Variants in NBEA observed in about 807,000 individuals in gnomAD.
NBEA encodes the protein neurobeachin.
NBEA carries 44 observed loss-of-function variants against 343.4 expected under a neutral mutation model. The observed-to-expected ratio is 0.13, with a 90% CI of 0.10 to 0.16. The LOEUF (loss-of-function observed/expected upper bound fraction) is 0.16. Among genes scored for constraint, NBEA ranks in the 10% least tolerant of loss-of-function variants. NBEA has a pLI of 1.00. For missense variants in NBEA, 2,555 were observed against 3,631.3 expected (o/e 0.70, Z 7.62); for synonymous variants, 1,175 against 1,238.7 (o/e 0.95, Z 1.08).
chr13:35,355,090 T>C (rs539857182), intron 38 of NBEA, among the ~76,000 whole-genome samples: 4 of 152,164 alleles, frequency 2.6e-5, no homozygotes, highest in Non-Finnish European at 5.9e-5. Context: ...TCAGCAAATC[T>C]TACTGACACT....
At chr13:35,273,529 G>A (rs980836456) in intron 34 of NBEA, among the ~76,000 whole-genome samples, 2 of 152,034 alleles carry the variant, frequency 1.3e-5, no homozygotes, top group Admixed American at 1.3e-4. Context: ...AACTGAAGGA[G>A]ATAGAGACAC....
chr13:35,189,837 G>A (rs1221595845), intron 30 of NBEA, among the ~76,000 whole-genome samples: 6 of 152,028 alleles, frequency 3.9e-5, no homozygotes, highest in Admixed American at 3.9e-4. Context: ...TCTTTGGAAA[G>A]CAATCAGAGG....
chr13:35,110,030 A>G (rs982702786), intron 12 of NBEA, among the ~76,000 whole-genome samples: 4 of 127,376 alleles, frequency 3.1e-5, no homozygotes, highest in African/African-American at 1.2e-4. Flanking sequence ...AATTTTGACA[A>G]CTCTTTTTTT....
chr13:35,097,719 A>G (rs966465783), intron 10 of NBEA, among the ~76,000 whole-genome samples: 6 of 151,716 alleles, frequency 4.0e-5, no homozygotes, highest in Admixed American at 6.6e-5. Context: ...TTTCATTTCA[A>G]TATTACATAA....
chr13:35,596,089 C>CGTGTGCGTGT (rs2081785266), intron 47 of NBEA, among the ~76,000 whole-genome samples: 1 of 150,974 alleles, frequency 6.6e-6, no homozygotes, highest in African/African-American at 2.4e-5. Flanking sequence ...TGTGTGTGTG[C>CGTGTGCGTGT]GTGTGCGTGT....
intron 41 of NBEA, among the ~76,000 whole-genome samples, chr13:35,505,938 T>C (rs2077058254): frequency 6.6e-6 from 1 of 152,194 alleles, no homozygotes; most frequent in African/African-American, 2.4e-5. Context: ...TTTCAATTAA[T>C]CTTCAATTCA....
chr13:35,475,089 C>A, intron 41 of NBEA: 1 of 1,613,828 alleles, frequency 6.2e-7, no homozygotes, highest in South Asian at 1.1e-5. Flanking sequence ...TCGGGTTGGT[C>A]AGGATCTCTC....
At chr13:35,394,938 AT>A (rs2042673695) in intron 38 of NBEA, among the ~76,000 whole-genome samples, 2 of 152,084 alleles carry the variant, frequency 1.3e-5, no homozygotes, top group Non-Finnish European at 2.9e-5. Context: ...GCATCCCACA[AT>A]TTTTATCTGT....
intron 34 of NBEA, among the ~76,000 whole-genome samples, chr13:35,289,321 TACAC>T (rs2035644568): frequency 6.6e-6 from 1 of 151,940 alleles, no homozygotes; most frequent in South Asian, 2.1e-4. Context: ...ATGTTCTTGT[TACAC>T]AGAAGTTATT....
chr13:35,606,733 T>C (rs1001710394), intron 48 of NBEA, among the ~76,000 whole-genome samples, 155 bp downstream of exon 48: 1 of 152,226 alleles, frequency 6.6e-6, no homozygotes, highest in Non-Finnish European at 1.5e-5. Flanking sequence ...AACATTTTAC[T>C]GTTGTCTTGA....
At chr13:35,351,831 T>C (rs1483113819) in intron 37 of NBEA, among the ~76,000 whole-genome samples, 3 of 152,032 alleles carry the variant, frequency 2.0e-5, no homozygotes, top group African/African-American at 7.2e-5. Context: ...ATATACTATA[T>C]TGGCTTGATA....
chr13:35,204,143 T>TGTCA (rs1566453791), intron 31 of NBEA, among the ~76,000 whole-genome samples: 2 of 152,136 alleles, frequency 1.3e-5, no homozygotes, highest in African/African-American at 4.8e-5. Context: ...CTCTGTTTCC[T>TGTCA]GTCAGATCAG....
At chr13:35,375,291 A>G (rs996142849) in intron 38 of NBEA, among the ~76,000 whole-genome samples, 5 of 152,078 alleles carry the variant, frequency 3.3e-5, no homozygotes, top group African/African-American at 7.2e-5. Flanking sequence ...TAAAACATCT[A>G]TTTTATTCAA....
intron 38 of NBEA, among the ~76,000 whole-genome samples, chr13:35,387,901 G>T (rs1307582880): frequency 6.6e-6 from 1 of 151,982 alleles, no homozygotes; most frequent in Admixed American, 6.6e-5. Flanking sequence ...CCTTTTCCCT[G>T]CAAGGAGATA....
intron 40 of NBEA, among the ~76,000 whole-genome samples, chr13:35,454,811 G>T (rs2046480154): frequency 1.3e-5 from 2 of 152,050 alleles, no homozygotes; most frequent in Non-Finnish European, 1.5e-5. Flanking sequence ...AGTGAGCCAA[G>T]ATCGCACCAC....
chr13:35,012,850 A>G (rs746137404), intron 1 of NBEA, among the ~76,000 whole-genome samples: 1 of 152,192 alleles, frequency 6.6e-6, no homozygotes, highest in Non-Finnish European at 1.5e-5. Flanking sequence ...TAGAAACTTG[A>G]TAATTTCTAC....
chr13:35,108,756 A>G (rs1454621579), intron 11 of NBEA, among the ~76,000 whole-genome samples: 1 of 152,062 alleles, frequency 6.6e-6, no homozygotes, highest in Non-Finnish European at 1.5e-5. Context: ...ACATGGTGAT[A>G]GTAGTTGAAA....
rs796627959 is a variant in NBEA, at chr13:35,358,281, C to T, written c.6179+5958C>T. On this transcript the variant is annotated intron_variant, in intron 38 of 58. Transcript: ENST00000379939. ...TCAAGTGATCTGCCCGCCTCAACCTCCCACAGTACTGGGGTTATAGGAGTG... is the reference window on the plus strand; with the variant it reads ...TCAAGTGATCTGCCCGCCTCAACCTTCCACAGTACTGGGGTTATAGGAGTG... Among the ~76,000 whole-genome samples the T allele has an allele frequency of 5.5e-4, 84 of 151,796 alleles. 1 individual carries two copies. The highest frequency in any genetic ancestry group is 1.9e-3 in the African/African-American group (78 of 41,412).
chr13:35,623,486 A>G lies in NBEA; in HGVS notation c.7450-4595A>G, dbSNP rs1030040625. Among the ~76,000 whole-genome samples, 14 of 152,158 alleles carry G rather than the reference A, an allele frequency of 9.2e-5. 1 individual carries two copies. Among genetic ancestry groups the G allele is most frequent in the Non-Finnish European group, 1.9e-4 (13 of 67,990 alleles). ...TAAGTGGCAAGATAAAAAATCGACA[A>G]GACTTTGTTTAACCTCTTACCTCAT... On this transcript the variant is annotated intron_variant, in intron 48 of 58. Transcript: ENST00000379939.
Sources: allele counts gnomAD v4.1 joint callset (sites outside exome capture counted in the v4.1 genomes callset), GRCh38; gene constraint gnomAD v4.1.1; transcripts MANE v1.5; gene names NCBI Gene and HGNC (gene_info 2026-07-23, HGNC 2026-07-21).